The following SPTBN1 variants were observed in gnomAD, a reference collection of about 807,000 sequenced individuals.
The protein encoded by SPTBN1 is spectrin beta chain, non-erythrocytic 1.
In SPTBN1, 32 loss-of-function variants were observed where a neutral mutation model predicts 266.4. The ratio of observed to expected loss-of-function variants is 0.12; its 90% CI spans 0.09 to 0.16. SPTBN1 has a LOEUF of 0.16. Among genes scored for constraint, SPTBN1 ranks in the 10% least tolerant of loss-of-function variants. The pLI is 1.00. For missense variants in SPTBN1, 2,296 were observed against 3,067.1 expected (o/e 0.75, Z 5.94); for synonymous variants, 1,336 against 1,162.2 (o/e 1.15, Z -3.04).
At chr2:54,498,397 C>G (rs1430526791) in intron 1 of SPTBN1, among the ~76,000 whole-genome samples, 1 of 152,174 alleles carries the variant, frequency 6.6e-6, no homozygotes, top group Non-Finnish European at 1.5e-5. Context: ...ACAGGATAGA[C>G]TTAGAAGCTA....
At chr2:54,622,238 A>T in intron 8 of SPTBN1, 62 bp from the exon 9 acceptor site, 1 of 1,544,070 alleles carries the variant, frequency 6.5e-7, no homozygotes, top group Non-Finnish European at 8.8e-7. Flanking sequence ...GTATAGGGTT[A>T]CAATCGTATT....
chr2:54,516,706 A>G (rs1018621839), intron 1 of SPTBN1, among the ~76,000 whole-genome samples: 1 of 152,236 alleles, frequency 6.6e-6, no homozygotes, highest in African/African-American at 2.4e-5. Flanking sequence ...TGAACTCAAA[A>G]TGTCTGAGAC....
chr2:54,645,513 C>T lies in SPTBN1; in HGVS notation c.4494+60C>T. On this transcript the variant is annotated intron_variant, in intron 21 of 35. Coordinates refer to ENST00000356805, the MANE Select transcript of SPTBN1 (RefSeq NM_003128.3). This position sits in a 1 kb window ranked among gnomAD's most constrained non-coding sequence, Gnocchi z 4.3. The stretch of plus-strand genomic sequence containing the variant: ...ACGAGCCCCCTTGCCTGTGCTAAAG[C>T]CCACATTCTCACTTCTCAGTCATCC... 6.5e-7 allele frequency: 1 copy of T among 1,547,022 alleles called. No homozygotes were observed. Among genetic ancestry groups the T allele is most frequent in the Non-Finnish European group, 8.8e-7 (1 of 1,134,590 alleles).
At chr2:54,567,200 G>A (rs1448267705) in intron 2 of SPTBN1, among the ~76,000 whole-genome samples, 10 of 152,190 alleles carry the variant, frequency 6.6e-5, no homozygotes, top group Admixed American at 6.5e-4. Context: ...TGCAGGTTCA[G>A]GGTTACTGGA....
rs1299724298 is a variant in SPTBN1 at position 54,645,577 on chromosome 2, C to T, written c.4494+124C>T. ...CGTTGGCAAGCTGAGCTGCCAAAGT[C>T]CACGCTCTGGATGGTCTAAAGTTTC... On this transcript the variant is annotated intron_variant, in intron 21 of 35. Coordinates refer to ENST00000356805, the MANE Select transcript of SPTBN1 (RefSeq NM_003128.3). This position sits in a 1 kb window ranked among gnomAD's most constrained non-coding sequence, Gnocchi z 4.3. 1 of 972,040 alleles carries T rather than the reference C, an allele frequency of 1.0e-6. No homozygotes were observed. Among genetic ancestry groups the T allele is most frequent in the Non-Finnish European group, 1.5e-6 (1 of 653,186 alleles). 60.2% of individuals were successfully genotyped at this position (972,040 alleles called of 1,614,324 possible). A position where few individuals can be genotyped will look rare whatever the true frequency, so the allele number is the denominator to read the frequency against.
In SPTBN1 at chr2:54,602,232, T is replaced by G. The variant is rs73934500; in HGVS notation, c.300+2989T>G. Among the ~76,000 whole-genome samples, 1,384 of 152,318 alleles carry G rather than the reference T, an allele frequency of 9.1e-3. 26 individuals are homozygous for G. Among genetic ancestry groups the G allele is most frequent in the African/African-American group, 0.031 (1,308 of 41,570 alleles). The stretch of plus-strand genomic sequence containing the variant: ...ATGCCTTAGAAATACAGACCCACCC[T>G]TTACTTTAACATTGGATTGGCAGAT... On this transcript the variant is annotated intron_variant, in intron 3 of 35. Coordinates refer to ENST00000356805, the MANE Select transcript of SPTBN1 (RefSeq NM_003128.3).
At chr2:54,609,208 A>T (rs1677057348) in intron 3 of SPTBN1, among the ~76,000 whole-genome samples, 1 of 152,146 alleles carries the variant, frequency 6.6e-6, no homozygotes, top group Non-Finnish European at 1.5e-5. Flanking sequence ...CTTCCGCATC[A>T]TTTGTCATCT....
At chr2:54,625,318 C>T (rs1218021842) in intron 11 of SPTBN1, among the ~76,000 whole-genome samples, 1 of 152,136 alleles carries the variant, frequency 6.6e-6, no homozygotes, top group African/African-American at 2.4e-5. Context: ...ACAAAAATGG[C>T]TTGCTTTTCC....
intron 2 of SPTBN1, among the ~76,000 whole-genome samples, chr2:54,594,015 T>C (rs1675870811): frequency 6.6e-6 from 1 of 151,962 alleles, no homozygotes; most frequent in Admixed American, 6.6e-5. Context: ...GTATTTTTAG[T>C]AGAGACGGGG....
chr2:54,522,667 AGAGAGAGAGAG>A (rs1402220325), intron 1 of SPTBN1, among the ~76,000 whole-genome samples: 4 of 99,528 alleles, frequency 4.0e-5, no homozygotes, highest in African/African-American at 1.5e-4. Context: ...AAAGAGAGAG[AGAGAGAGAGAG>A]GAGAGAGAGA....
At chr2:54,623,017 T>C (rs1678095395) in intron 9 of SPTBN1, among the ~76,000 whole-genome samples, 1 of 152,220 alleles carries the variant, frequency 6.6e-6, no homozygotes, top group Non-Finnish European at 1.5e-5. Flanking sequence ...AGTTCATAAT[T>C]GTTGAATAAG....
At chr2:54,510,019 C>T (rs961602374) in intron 1 of SPTBN1, among the ~76,000 whole-genome samples, 4 of 150,218 alleles carry the variant, frequency 2.7e-5, no homozygotes, top group Non-Finnish European at 5.9e-5. Flanking sequence ...AGCGCAGTGG[C>T]ATGGTTTCTG....
intron 2 of SPTBN1, among the ~76,000 whole-genome samples, chr2:54,550,769 T>C (rs1672521263): frequency 6.6e-6 from 1 of 152,238 alleles, no homozygotes; most frequent in Admixed American, 6.5e-5. Context: ...GCATGTGTCC[T>C]AGTGTGTCTG....
intron 2 of SPTBN1, among the ~76,000 whole-genome samples, chr2:54,595,755 C>T (rs1006809079): frequency 2.0e-5 from 3 of 152,168 alleles, no homozygotes; most frequent in Non-Finnish European, 2.9e-5. Context: ...CAACCTAGCA[C>T]CGCTGATATT....
rs559914601 is a variant in SPTBN1 at position 54,464,461 on chromosome 2, A to G, written c.-48+7943A>G. ...CTATAATCCTGGTTTTACTGTATTA[A>G]GTAAAAGACTGGAAGGAAATACATT... On this transcript the variant is annotated intron_variant, in intron 1 of 35. Transcript: ENST00000356805. Among the ~76,000 whole-genome samples, 12 of 152,338 alleles carry G rather than the reference A, an allele frequency of 7.9e-5. No individual in the cohort carries two copies. The South Asian group carries it at 2.5e-3, about 32-fold the overall frequency.
chr2:54,639,843 A>G (rs566386178), intron 18 of SPTBN1, among the ~76,000 whole-genome samples: 8 of 152,300 alleles, frequency 5.3e-5, no homozygotes, highest in African/African-American at 1.4e-4. Flanking sequence ...AGGACACAGG[A>G]AAGTTTGGGT....
At chr2:54,656,084 A>G (rs1026170496) in intron 29 of SPTBN1, 86 bp downstream of exon 29, 5 of 1,197,476 alleles carry the variant, frequency 4.2e-6, no homozygotes, top group Non-Finnish European at 5.9e-6. Flanking sequence ...CATTAATGTT[A>G]TCATTTAAAG....
chr2:54,582,792 C>G (rs1416500495), intron 2 of SPTBN1, among the ~76,000 whole-genome samples: 2 of 152,134 alleles, frequency 1.3e-5, no homozygotes, highest in Non-Finnish European at 2.9e-5. Context: ...GTAGAACTCT[C>G]TGTAGAGTGG....
At chr2:54,586,895 A>C (rs540622593) in intron 2 of SPTBN1, among the ~76,000 whole-genome samples, 1 of 152,138 alleles carries the variant, frequency 6.6e-6, no homozygotes. Flanking sequence ...ATCCTCTTCT[A>C]TCTTGAATGT....
Sources: allele counts gnomAD v4.1 joint callset (sites outside exome capture counted in the v4.1 genomes callset), GRCh38; gene constraint gnomAD v4.1.1; non-coding constraint Gnocchi (gnomAD v3.1); transcripts MANE v1.5; gene names NCBI Gene and HGNC (gene_info 2026-07-23, HGNC 2026-07-21).